C1orf141: variants seen among roughly 807,000 people sequenced by gnomAD.
C1orf141 encodes the protein chromosome 1 open reading frame 141, also known as uncharacterized protein C1orf141.
Under a neutral mutation model 23.2 loss-of-function variants are expected in C1orf141, and 19 were observed. The ratio of observed to expected loss-of-function variants is 0.82; its 90% CI spans 0.57 to 1.20. C1orf141 has a LOEUF of 1.20. C1orf141 is among the 50% of genes most tolerant of loss of function. The pLI, the probability that C1orf141 is intolerant of heterozygous loss-of-function variation, is 0.00. For missense variants in C1orf141, 469 were observed against 455.1 expected, an observed-to-expected ratio of 1.03 and a Z score of -0.28; for synonymous variants, 153 against 154.6, an observed-to-expected ratio of 0.99 and a Z score of 0.08.
chr1:67,134,300 G>A (rs1646560787), intron 1 of C1orf141, among the ~76,000 whole-genome samples: 1 of 142,488 alleles, frequency 7.0e-6, no homozygotes. Flanking sequence ...CAACGCGCCG[G>A]CCTGGAAGGG....
At chr1:67,107,278 T>G (rs750854178) in intron 5 of C1orf141, among the ~76,000 whole-genome samples, 1 of 152,000 alleles carries the variant, frequency 6.6e-6, no homozygotes, top group Non-Finnish European at 1.5e-5. Flanking sequence ...TAAAGTGAAA[T>G]TTTGATAAAT....
intron 2 of C1orf141, among the ~76,000 whole-genome samples, chr1:67,128,778 G>C (rs1357795402): frequency 6.6e-6 from 1 of 152,040 alleles, no homozygotes; most frequent in Non-Finnish European, 1.5e-5. Flanking sequence ...GGGCTCCAGT[G>C]GCATTTAAGT....
chr1:67,105,722 G>A, intron 5 of C1orf141, among the ~76,000 whole-genome samples: 1 of 152,044 alleles, frequency 6.6e-6, no homozygotes, highest in East Asian at 1.9e-4. Context: ...ACAAAAGCAG[G>A]TGGCAAAGAA....
chr1:67,114,965 C>T (rs545962237), intron 5 of C1orf141, among the ~76,000 whole-genome samples: 3 of 152,220 alleles, frequency 2.0e-5, no homozygotes, highest in Admixed American at 6.5e-5. Context: ...CGTAAGCCAG[C>T]GTGCCCACCC....
chr1:67,107,767 G>A (rs1645965492), intron 5 of C1orf141, among the ~76,000 whole-genome samples: 2 of 152,172 alleles, frequency 1.3e-5, no homozygotes, highest in Admixed American at 6.5e-5. Flanking sequence ...GCGCATGCCT[G>A]TAATCCCAGC....
chr1:67,130,983 G>A (rs1392935479), intron 2 of C1orf141, among the ~76,000 whole-genome samples, 159 bp downstream of exon 2: 1 of 152,134 alleles, frequency 6.6e-6, no homozygotes, highest in African/African-American at 2.4e-5. Flanking sequence ...AGTTCATCAA[G>A]GGCCTATTTT....
At chr1:67,139,095 T>C (rs1376900834), upstream of C1orf141, 1 of 152,354 alleles carries the variant, frequency 6.6e-6, no homozygotes, top group Non-Finnish European at 1.5e-5. Context: ...GCAGTATCAT[T>C]TGAGCCCAGG....
chr1:67,096,401 A>G (rs1645682689), intron 5 of C1orf141, 80 bp from the exon 6 acceptor site: 10 of 741,426 alleles, frequency 1.3e-5, no homozygotes, highest in Non-Finnish European at 2.0e-5. Flanking sequence ...AATATTTTAC[A>G]ATTTAAAATA....
chr1:67,125,601 A>G, intron 4 of C1orf141, 151 bp downstream of exon 4: 1 of 750,654 alleles, frequency 1.3e-6, no homozygotes, highest in Non-Finnish European at 2.4e-6. Context: ...CTGGAGGCCA[A>G]GGTGGGAGAA....
chr1:67,139,479 A>G (rs1298557654), upstream of C1orf141, among the ~76,000 whole-genome samples: 1 of 152,224 alleles, frequency 6.6e-6, no homozygotes, highest in African/African-American at 2.4e-5. Flanking sequence ...ATAAGTTCTA[A>G]GAAAACTCAT....
chr1:67,121,975 T>A (rs1646309048), intron 4 of C1orf141: 1 of 152,200 alleles, frequency 6.6e-6, no homozygotes. Flanking sequence ...AATACTAAGT[T>A]GGACAGACTT....
intron 5 of C1orf141, among the ~76,000 whole-genome samples, chr1:67,099,532 C>T (rs1156407684): frequency 2.0e-5 from 3 of 152,188 alleles, no homozygotes; most frequent in African/African-American, 7.2e-5. Flanking sequence ...GTAATCCCAG[C>T]ACTCTGGGAG....
intron 5 of C1orf141, chr1:67,103,532 T>C (rs1645853817): frequency 2.1e-6 from 1 of 480,076 alleles, no homozygotes; most frequent in South Asian, 1.0e-4. Context: ...AAAATGTGAT[T>C]TATTTAATTC....
chr1:67,115,211 G>A (rs1255392366), intron 5 of C1orf141, 141 bp downstream of exon 5: 1 of 517,270 alleles, frequency 1.9e-6, no homozygotes, highest in Non-Finnish European at 3.5e-6. Context: ...TTCTTAGTAA[G>A]TTCTTTTTTA....
upstream of C1orf141, among the ~76,000 whole-genome samples, chr1:67,135,824 C>T (rs988237376): frequency 1.4e-5 from 2 of 140,964 alleles, no homozygotes; most frequent in African/African-American, 5.3e-5. Context: ...AAAAACAGCA[C>T]TTCAACATCT....
intron 1 of C1orf141, among the ~76,000 whole-genome samples, chr1:67,132,679 T>C (rs1452411867): frequency 6.6e-6 from 1 of 152,246 alleles, no homozygotes; most frequent in Non-Finnish European, 1.5e-5. Context: ...AATTTGGAGA[T>C]GTCTCTGAAT....
At chr1:67,138,771 T>A (rs879570811), upstream of C1orf141, 1 of 152,378 alleles carries the variant, frequency 6.6e-6, no homozygotes, top group Non-Finnish European at 1.5e-5. Flanking sequence ...TGTCTTTTCA[T>A]GCTGTTCCCT....
intron 4 of C1orf141, among the ~76,000 whole-genome samples, chr1:67,117,701 G>T (rs933163563): frequency 3.3e-5 from 5 of 152,286 alleles, no homozygotes; most frequent in African/African-American, 1.2e-4. Flanking sequence ...TTCTAAGGAT[G>T]ATGCTGGCTA....
At position 67,095,389 on chromosome 1, in the gene C1orf141, A is replaced by G. The variant is rs750461664; in HGVS notation, c.449T>C (p.Ile150Thr). The G allele has an allele frequency of 1.9e-5, 29 of 1,558,356 alleles. No individual in the cohort carries two copies. The highest frequency in any genetic ancestry group is 2.5e-5 in the Non-Finnish European group (29 of 1,145,964). Reference sequence around the variant, plus strand: ...ATTTCTGACCGATTTGTTTTCTTTTATATTAAAATCGTTCATCTGTGGAGA... The same window carrying G: ...ATTTCTGACCGATTTGTTTTCTTTTGTATTAAAATCGTTCATCTGTGGAGA... ...KKSPQMNDFN[I>T]KENKSVRNYQ... Residue 150 changes from isoleucine (I) to threonine (T), a missense_variant, in exon 7 of 8, where the codon ATA becomes ACA. Physicochemically the swap from Ile to Thr is moderately conservative, Grantham distance 89 (BLOSUM62 -1). Coordinates refer to ENST00000684719, the MANE Select transcript of C1orf141 (RefSeq NM_001276351.2).
Sources: gnomAD v4.1 joint callset for allele counts (sites outside exome capture counted in the v4.1 genomes callset) on GRCh38, gnomAD v4.1.1 for gene constraint, MANE v1.5 for transcripts, NCBI Gene and HGNC (gene_info 2026-07-23, HGNC 2026-07-21) for gene names.